ASAP1: variants seen among roughly 807,000 people sequenced by gnomAD.
ASAP1 encodes arf-GAP with SH3 domain, ANK repeat and PH domain-containing protein 1.
Under a neutral mutation model 145.2 loss-of-function variants are expected in ASAP1, and 43 were observed. That is an observed-to-expected ratio of 0.30 (90% CI 0.23 to 0.38). The LOEUF is 0.38. ASAP1 is among the 10% of genes least tolerant of loss of function. ASAP1 has a pLI of 1.00. For missense variants in ASAP1, 1,018 were observed against 1,355.3 expected (o/e 0.75, Z 3.91); for synonymous variants, 546 against 515.5 (o/e 1.06, Z -0.80).
At chr8:130,213,040 C>T (rs1816683543) in intron 5 of ASAP1, among the ~76,000 whole-genome samples, 1 of 152,208 alleles carries the variant, frequency 6.6e-6, no homozygotes, top group Admixed American at 6.5e-5. Flanking sequence ...TACCACACCA[C>T]ACTTTGAGCA....
intron 3 of ASAP1, among the ~76,000 whole-genome samples, chr8:130,256,129 T>C (rs777159926): frequency 6.6e-6 from 1 of 152,214 alleles, no homozygotes; most frequent in Non-Finnish European, 1.5e-5. Flanking sequence ...ACCTTTGCCC[T>C]GAAGCACTAA....
intron 13 of ASAP1, among the ~76,000 whole-genome samples, chr8:130,150,420 C>T (rs1565019888): frequency 1.3e-5 from 2 of 152,170 alleles, no homozygotes; most frequent in African/African-American, 4.8e-5. Flanking sequence ...ATATGATCTC[C>T]CATCACTCTG....
intron 10 of ASAP1, among the ~76,000 whole-genome samples, chr8:130,168,553 G>A (rs1006379605): frequency 3.3e-5 from 5 of 152,114 alleles, no homozygotes; most frequent in Non-Finnish European, 7.4e-5. Flanking sequence ...TCGTGCCACT[G>A]TACTCCAGCC....
chr8:130,285,527 A>T (rs1051411964), intron 3 of ASAP1, among the ~76,000 whole-genome samples: 1 of 152,216 alleles, frequency 6.6e-6, no homozygotes, highest in African/African-American at 2.4e-5. Context: ...TTTTTAAAAA[A>T]TTTGTTTTAA....
intron 7 of ASAP1, among the ~76,000 whole-genome samples, chr8:130,185,445 A>G (rs2136204386): frequency 6.6e-6 from 1 of 152,288 alleles, no homozygotes; most frequent in Middle Eastern, 3.4e-3. Context: ...AAAAATGAAC[A>G]GCCAGGCCGG....
chr8:130,139,205 G>A (rs1044383893), intron 13 of ASAP1, among the ~76,000 whole-genome samples: 3 of 152,180 alleles, frequency 2.0e-5, no homozygotes, highest in Non-Finnish European at 4.4e-5. Flanking sequence ...TAGTACAGAG[G>A]AGGGAAAGCT....
At chr8:130,278,189 T>C (rs968125240) in intron 3 of ASAP1, among the ~76,000 whole-genome samples, 1 of 152,166 alleles carries the variant, frequency 6.6e-6, no homozygotes, top group Non-Finnish European at 1.5e-5. Context: ...GAATGAGCAA[T>C]GTAAACACTT....
chr8:130,079,874 G>C (rs200185585), intron 26 of ASAP1, 28 bp downstream of exon 26: 1 of 1,602,544 alleles, frequency 6.2e-7, no homozygotes, highest in East Asian at 2.2e-5. Flanking sequence ...GGATCCAACA[G>C]GGGAAATGAA....
At chr8:130,158,401 G>C (rs2097662310) in intron 12 of ASAP1, among the ~76,000 whole-genome samples, 1 of 151,668 alleles carries the variant, frequency 6.6e-6, no homozygotes, top group Admixed American at 6.6e-5. Context: ...TATAGTCCCA[G>C]CTACTCAGGA....
chr8:130,394,348 T>C (rs2138509938), intron 2 of ASAP1, among the ~76,000 whole-genome samples: 1 of 152,304 alleles, frequency 6.6e-6, no homozygotes, highest in African/African-American at 2.4e-5. Context: ...TGGTCGAGAC[T>C]GTAGGGATGA....
intron 1 of ASAP1, among the ~76,000 whole-genome samples, chr8:130,405,885 T>C (rs989616004): frequency 9.9e-5 from 15 of 152,218 alleles, no homozygotes; most frequent in African/African-American, 3.4e-4. Context: ...AGAAAAAATA[T>C]TAAGGCATAA....
At chr8:130,165,231 A>T (rs1029242671) in intron 11 of ASAP1, among the ~76,000 whole-genome samples, 2 of 152,234 alleles carry the variant, frequency 1.3e-5, no homozygotes, top group Admixed American at 6.5e-5. Context: ...GGGTTGTAAC[A>T]GTCCTCCTCT....
chr8:130,403,615 C>G (rs894748124), intron 1 of ASAP1, among the ~76,000 whole-genome samples: 2 of 147,920 alleles, frequency 1.4e-5, no homozygotes, highest in African/African-American at 2.5e-5. Flanking sequence ...TGCAGTGGCG[C>G]GATCTTGGCT....
chr8:130,124,913 CTGAAG>C (rs1317763840), intron 17 of ASAP1, among the ~76,000 whole-genome samples: 3 of 152,116 alleles, frequency 2.0e-5, no homozygotes, highest in African/African-American at 7.2e-5. Context: ...CTCTACAATC[CTGAAG>C]TGAACTAGGG....
chr8:130,195,002 A>G (rs1030077923), intron 5 of ASAP1: 2 of 152,202 alleles, frequency 1.3e-5, no homozygotes, highest in African/African-American at 4.8e-5. Context: ...GACCTTCATT[A>G]TCTTCAATAA....
chr8:130,210,886 T>G (rs561198337), intron 5 of ASAP1, among the ~76,000 whole-genome samples: 1 of 152,360 alleles, frequency 6.6e-6, no homozygotes, highest in South Asian at 2.1e-4. Context: ...AAGGTTTGTA[T>G]TTGTGAAACA....
At chr8:130,419,667 C>A (rs1235185612) in intron 1 of ASAP1, among the ~76,000 whole-genome samples, 1 of 152,024 alleles carries the variant, frequency 6.6e-6, no homozygotes, top group African/African-American at 2.4e-5. Flanking sequence ...TCCTCTGCTA[C>A]AGGGTGGTTT....
intron 12 of ASAP1, among the ~76,000 whole-genome samples, chr8:130,153,986 G>A (rs2097652932): frequency 6.6e-6 from 1 of 152,136 alleles, no homozygotes; most frequent in Non-Finnish European, 1.5e-5. Context: ...TTCAGCCCAG[G>A]AGTTCAAGAC....
intron 14 of ASAP1, 90 bp downstream of exon 14, chr8:130,136,861 C>T: frequency 9.2e-7 from 1 of 1,081,806 alleles, no homozygotes; most frequent in East Asian, 2.4e-5. Flanking sequence ...TGTGAGGAGC[C>T]CTGCTTGGAA....
Sources: allele counts gnomAD v4.1 joint callset (sites outside exome capture counted in the v4.1 genomes callset), GRCh38; gene constraint gnomAD v4.1.1; transcripts MANE v1.5; gene names NCBI Gene and HGNC (gene_info 2026-07-23, HGNC 2026-07-21).